Variants in GABRB2 observed in about 807,000 individuals in gnomAD.
GABRB2 encodes gamma-aminobutyric acid receptor subunit beta-2.
Under a neutral mutation model 54.7 loss-of-function variants are expected in GABRB2, and 16 were observed. The observed-to-expected ratio is 0.29, with a 90% CI of 0.20 to 0.44. GABRB2 has a LOEUF of 0.44. Among genes scored for constraint, GABRB2 ranks in the 20% least tolerant of loss-of-function variants. The probability of loss-of-function intolerance (pLI) is 1.00; values close to 1 mark genes in which losing one functional copy is unlikely to be tolerated. For missense variants in GABRB2, 355 were observed against 644.0 expected, an observed-to-expected ratio of 0.55 and a Z score of 4.86; for synonymous variants, 244 against 233.8, an observed-to-expected ratio of 1.04 and a Z score of -0.40.
At chr5:161,308,725 T>C (rs537872180) in intron 9 of GABRB2, among the ~76,000 whole-genome samples, 4 of 152,314 alleles carry the variant, frequency 2.6e-5, no homozygotes, top group African/African-American at 9.6e-5. Context: ...TACAACTATC[T>C]GATCTTCTAC....
intron 3 of GABRB2, among the ~76,000 whole-genome samples, chr5:161,487,147 C>T (rs923346189): frequency 6.6e-6 from 1 of 151,922 alleles, no homozygotes; most frequent in Non-Finnish European, 1.5e-5. Context: ...CCAATATTTT[C>T]TGGTAAAAAC....
At chr5:161,517,333 T>C (rs1026993381) in intron 3 of GABRB2, among the ~76,000 whole-genome samples, 1 of 152,122 alleles carries the variant, frequency 6.6e-6, no homozygotes, top group African/African-American at 2.4e-5. Context: ...CAGATTTGAG[T>C]TTTTCTCCAA....
chr5:161,494,063 A>G (rs1759156515), intron 3 of GABRB2, among the ~76,000 whole-genome samples: 3 of 151,816 alleles, frequency 2.0e-5, no homozygotes, highest in Admixed American at 1.3e-4. Flanking sequence ...TAAAAATCCT[A>G]TTTAATATGG....
intron 9 of GABRB2, among the ~76,000 whole-genome samples, chr5:161,297,617 C>T (rs1757419962): frequency 6.6e-6 from 1 of 152,038 alleles, no homozygotes; most frequent in Non-Finnish European, 1.5e-5. Context: ...TGGACTCGTC[C>T]TTTTTTATGG....
intron 9 of GABRB2, among the ~76,000 whole-genome samples, chr5:161,323,024 A>G (rs1241847298): frequency 6.7e-6 from 1 of 148,760 alleles, no homozygotes; most frequent in African/African-American, 2.5e-5. Context: ...ATCTTGAAAT[A>G]TACTTTTTTT....
chr5:161,527,657 T>C (rs112583382), intron 3 of GABRB2, among the ~76,000 whole-genome samples: 4 of 151,406 alleles, frequency 2.6e-5, no homozygotes, highest in African/African-American at 9.7e-5. Context: ...AGAAAATAAA[T>C]TAATAAATGA....
intron 6 of GABRB2, among the ~76,000 whole-genome samples, chr5:161,335,599 A>G (rs1483324861): frequency 2.0e-5 from 3 of 152,192 alleles, no homozygotes; most frequent in African/African-American, 4.8e-5. Flanking sequence ...GTCTTAGACT[A>G]TAGGAAGTTC....
chr5:161,477,550 A>C (rs2113316118), intron 3 of GABRB2, among the ~76,000 whole-genome samples: 1 of 152,100 alleles, frequency 6.6e-6, no homozygotes, highest in East Asian at 1.9e-4. Flanking sequence ...AAGAGGTGGA[A>C]GCAACTCAAA....
intron 4 of GABRB2, among the ~76,000 whole-genome samples, chr5:161,452,199 C>T (rs983650358): frequency 3.3e-5 from 5 of 152,074 alleles, no homozygotes; most frequent in Admixed American, 3.3e-4. Context: ...TCAGGGTTTT[C>T]TTCAAGGAGA....
At chr5:161,457,439 C>A (rs538792333) in intron 4 of GABRB2, among the ~76,000 whole-genome samples, 2 of 151,492 alleles carry the variant, frequency 1.3e-5, no homozygotes, top group African/African-American at 4.8e-5. Context: ...CCCCTTTTCC[C>A]TCTCAATTCT....
chr5:161,331,645 A>G (rs1335347935), intron 7 of GABRB2, among the ~76,000 whole-genome samples: 1 of 152,164 alleles, frequency 6.6e-6, no homozygotes, highest in Non-Finnish European at 1.5e-5. Flanking sequence ...GTCCATTACC[A>G]TGATCTCGGA....
chr5:161,493,715 T>C (rs1312465902), intron 3 of GABRB2, among the ~76,000 whole-genome samples: 6 of 151,810 alleles, frequency 4.0e-5, no homozygotes, highest in Admixed American at 3.3e-4. Context: ...ACTATGCATA[T>C]TTCAGGGTAT....
intron 3 of GABRB2, among the ~76,000 whole-genome samples, chr5:161,539,266 A>G (rs551301402): frequency 6.6e-6 from 1 of 152,304 alleles, no homozygotes; most frequent in African/African-American, 2.4e-5. Flanking sequence ...TAACCACGAC[A>G]TCTAAAAATA....
chr5:161,545,061 A>T (rs972954860), intron 3 of GABRB2, among the ~76,000 whole-genome samples, 166 bp downstream of exon 3: 3 of 151,976 alleles, frequency 2.0e-5, no homozygotes, highest in African/African-American at 7.3e-5. Flanking sequence ...AGAAAGAGTC[A>T]ACTCTCTAAC....
intron 4 of GABRB2, among the ~76,000 whole-genome samples, chr5:161,432,322 C>A (rs1359445178): frequency 6.6e-6 from 1 of 152,184 alleles, no homozygotes; most frequent in Non-Finnish European, 1.5e-5. Flanking sequence ...CTGATTCTTG[C>A]TTTTTATCAT....
intron 4 of GABRB2, among the ~76,000 whole-genome samples, chr5:161,412,633 A>C (rs1756552938): frequency 6.6e-6 from 1 of 152,148 alleles, no homozygotes. Flanking sequence ...TATCTGGAGT[A>C]CTCTAGTCCT....
intron 3 of GABRB2, among the ~76,000 whole-genome samples, chr5:161,500,683 C>T (rs1163294640): frequency 1.3e-5 from 2 of 152,208 alleles, no homozygotes; most frequent in South Asian, 2.1e-4. Context: ...AAGTAAAAAT[C>T]CATTTCATTG....
chr5:161,342,101 C>T (rs2113418128), intron 5 of GABRB2, among the ~76,000 whole-genome samples: 1 of 151,476 alleles, frequency 6.6e-6, no homozygotes, highest in South Asian at 2.1e-4. Context: ...AATTGTCACA[C>T]AGCAGTTTCT....
Position 161,469,351 on chromosome 5 carries a change from A to G in GABRB2, c.238-9507T>C, listed in dbSNP as rs145079312. On this transcript the variant is annotated intron_variant, in intron 3 of 9. Coordinates refer to ENST00000393959, the MANE Select transcript of GABRB2 (RefSeq NM_001371727.1). ...AGTCTCTACCTTTAGGCTTGTTATT[A>G]ACAAAGCATAAATTTCTTTTATATT... Among the ~76,000 whole-genome samples, 997 of 152,044 alleles carry G rather than the reference A, an allele frequency of 6.6e-3. 14 individuals carry two copies. The highest frequency in any genetic ancestry group is 6.3e-3 in the Non-Finnish European group (425 of 67,944).
Sources: allele counts gnomAD v4.1 joint callset (sites outside exome capture counted in the v4.1 genomes callset), GRCh38; gene constraint gnomAD v4.1.1; transcripts MANE v1.5; gene names NCBI Gene and HGNC (gene_info 2026-07-23, HGNC 2026-07-21).